The following ITSN1 variants were observed in gnomAD, a reference collection of about 807,000 sequenced individuals.
ITSN1 encodes intersectin 1.
Under a neutral mutation model 239.8 loss-of-function variants are expected in ITSN1, and 58 were observed. The ratio of observed to expected loss-of-function variants is 0.24; its 90% CI spans 0.20 to 0.30. The LOEUF is 0.30. ITSN1 is among the 10% of genes least tolerant of loss of function. ITSN1 has a pLI of 1.00. For synonymous variants in ITSN1, 780 were observed against 770.8 expected (o/e 1.01, Z -0.20); for missense variants, 1,558 against 2,103.3 (o/e 0.74, Z 5.07).
intron 26 of ITSN1, chr21:33,829,093 C>A (rs2148351574): frequency 2.3e-6 from 1 of 439,678 alleles, no homozygotes; most frequent in Non-Finnish European, 4.5e-6. Flanking sequence ...GAGTGAGAAT[C>A]TGCAGCAACA....
intron 5 of ITSN1, among the ~76,000 whole-genome samples, chr21:33,747,560 A>G (rs190183166): frequency 6.6e-6 from 1 of 152,340 alleles, no homozygotes; most frequent in East Asian, 1.9e-4. Flanking sequence ...CGGAAGCCAA[A>G]CACAGAGATA....
intron 1 of ITSN1, among the ~76,000 whole-genome samples, chr21:33,661,281 T>C (rs1414269802): frequency 6.6e-6 from 1 of 152,212 alleles, no homozygotes; most frequent in Admixed American, 6.5e-5. Context: ...CTCAAATGAT[T>C]GCACAGTGAT....
At chr21:33,778,605 G>A (rs1174681004) in intron 14 of ITSN1, among the ~76,000 whole-genome samples, 1 of 94,522 alleles carries the variant, frequency 1.1e-5, no homozygotes, top group Non-Finnish European at 1.8e-5. Flanking sequence ...TTGAGACGGA[G>A]TCTCGCTCTG....
At chr21:33,748,004 A>T (rs972284877) in intron 5 of ITSN1, among the ~76,000 whole-genome samples, 1 of 152,142 alleles carries the variant, frequency 6.6e-6, no homozygotes, top group African/African-American at 2.4e-5. Flanking sequence ...AGTAATAATT[A>T]TAACTCTATT....
At chr21:33,830,302 A>G (rs1263399607) in intron 27 of ITSN1, among the ~76,000 whole-genome samples, 2 of 152,234 alleles carry the variant, frequency 1.3e-5, no homozygotes, top group African/African-American at 4.8e-5. Flanking sequence ...TCTCATGGTA[A>G]AACTTCTTAG....
chr21:33,859,187 C>T (rs1979984726), intron 31 of ITSN1, among the ~76,000 whole-genome samples: 1 of 152,166 alleles, frequency 6.6e-6, no homozygotes, highest in Admixed American at 6.5e-5. Context: ...GCATTCTTGG[C>T]CCTGCAGATG....
intron 1 of ITSN1, among the ~76,000 whole-genome samples, chr21:33,685,780 G>A (rs958974002): frequency 1.3e-5 from 2 of 152,084 alleles, no homozygotes; most frequent in African/African-American, 4.8e-5. Context: ...TCCTTTGAGG[G>A]AGGCATAAAG....
chr21:33,832,487 A>G (rs886814166), intron 27 of ITSN1, among the ~76,000 whole-genome samples: 2 of 152,188 alleles, frequency 1.3e-5, no homozygotes, highest in African/African-American at 4.8e-5. Context: ...AGGATTCTCA[A>G]TAAAGTGGCT....
intron 29 of ITSN1, among the ~76,000 whole-genome samples, chr21:33,847,409 C>T (rs181046232): frequency 6.6e-6 from 1 of 152,354 alleles, no homozygotes; most frequent in East Asian, 1.9e-4. Flanking sequence ...AGCTTAAGGA[C>T]CACCCTCAGG....
chr21:33,690,285 A>G (rs951047904), intron 1 of ITSN1, among the ~76,000 whole-genome samples: 15 of 150,930 alleles, frequency 9.9e-5, no homozygotes, highest in Non-Finnish European at 2.9e-5. Flanking sequence ...CTCAAAAAGA[A>G]TTAAAAATAA....
At chr21:33,875,633 T>G in intron 34 of ITSN1, 112 bp downstream of exon 34, 1 of 923,728 alleles carries the variant, frequency 1.1e-6, no homozygotes, top group South Asian at 1.7e-5. Context: ...GATAGCATCC[T>G]CATTTCCATC....
intron 9 of ITSN1, among the ~76,000 whole-genome samples, chr21:33,762,820 C>T (rs1411661246): frequency 2.0e-5 from 3 of 151,978 alleles, no homozygotes; most frequent in South Asian, 2.1e-4. Context: ...TGAACCCCCA[C>T]GCTTGGCTAA....
chr21:33,831,898 C>A (rs2074312802), intron 27 of ITSN1, among the ~76,000 whole-genome samples: 1 of 152,148 alleles, frequency 6.6e-6, no homozygotes, highest in African/African-American at 2.4e-5. Context: ...AGCATGCCTT[C>A]TCCTGTGCTG....
chr21:33,817,699 G>C (rs1178748742), intron 22 of ITSN1: 6 of 1,074,770 alleles, frequency 5.6e-6, no homozygotes, highest in Non-Finnish European at 4.8e-6. Flanking sequence ...TCATGGGGCA[G>C]TGCATGTAGA....
At chr21:33,722,288 G>A (rs2065533537) in intron 3 of ITSN1, among the ~76,000 whole-genome samples, 1 of 152,212 alleles carries the variant, frequency 6.6e-6, no homozygotes, top group Non-Finnish European at 1.5e-5. Context: ...TTCTATAAAT[G>A]TGCTTTTGCA....
At chr21:33,770,090 T>A (rs933410797) in intron 11 of ITSN1, among the ~76,000 whole-genome samples, 1 of 150,918 alleles carries the variant, frequency 6.6e-6, no homozygotes, top group Non-Finnish European at 1.5e-5. Flanking sequence ...TGAGATGGAG[T>A]TTTGCTCTTG....
At chr21:33,847,585 C>G (rs910701896) in intron 29 of ITSN1, among the ~76,000 whole-genome samples, 1 of 152,060 alleles carries the variant, frequency 6.6e-6, no homozygotes, top group African/African-American at 2.4e-5. Flanking sequence ...GAAGCCATAG[C>G]CCATGGCTGG....
At chr21:33,777,479 C>T (rs1045295781) in intron 14 of ITSN1, among the ~76,000 whole-genome samples, 9 of 152,104 alleles carry the variant, frequency 5.9e-5, no homozygotes, top group Admixed American at 5.2e-4. Flanking sequence ...TCAGTTTTTA[C>T]AAAAATGCTT....
At chr21:33,712,772 C>G (rs1362703484) in intron 1 of ITSN1, among the ~76,000 whole-genome samples, 1 of 152,230 alleles carries the variant, frequency 6.6e-6, no homozygotes, top group Non-Finnish European at 1.5e-5. Flanking sequence ...TACTCACCTC[C>G]CAAATCTGCC....
Sources: allele counts gnomAD v4.1 joint callset (sites outside exome capture counted in the v4.1 genomes callset), GRCh38; gene constraint gnomAD v4.1.1; transcripts MANE v1.5; gene names NCBI Gene and HGNC (gene_info 2026-07-23, HGNC 2026-07-21).